The following NKAIN2 variants were observed in gnomAD, a reference collection of about 807,000 sequenced individuals.
The protein encoded by NKAIN2 is sodium/potassium transporting ATPase interacting 2.
A neutral mutation model predicts 32.6 loss-of-function variants in NKAIN2; 14 were observed. The observed-to-expected ratio is 0.43, with a 90% CI of 0.28 to 0.67. The LOEUF is 0.67. Among genes scored for constraint, NKAIN2 ranks in the 30% least tolerant of loss-of-function variants. NKAIN2 has a pLI of 0.17. For synonymous variants in NKAIN2, 80 were observed against 87.2 expected (o/e 0.92, Z 0.46); for missense variants, 198 against 258.3 (o/e 0.77, Z 1.60).
At chr6:124,328,571 G>A (rs544331838) in intron 2 of NKAIN2, among the ~76,000 whole-genome samples, 16 of 152,238 alleles carry the variant, frequency 1.1e-4, no homozygotes, top group African/African-American at 3.6e-4. Context: ...GTGCTCTCAA[G>A]AACAAAATCA....
chr6:124,107,000 G>A (rs1230290819), intron 1 of NKAIN2, among the ~76,000 whole-genome samples: 1 of 152,186 alleles, frequency 6.6e-6, no homozygotes, highest in Non-Finnish European at 1.5e-5. Flanking sequence ...AATGAAGTGG[G>A]TAGAAAGTGC....
chr6:124,594,014 G>A (rs1039039932), intron 3 of NKAIN2, among the ~76,000 whole-genome samples: 10 of 152,150 alleles, frequency 6.6e-5, no homozygotes, highest in African/African-American at 2.4e-4. Context: ...TCTTTTATTT[G>A]CAGAGGCACT....
At chr6:124,523,823 G>A (rs1583384874) in intron 3 of NKAIN2, among the ~76,000 whole-genome samples, 1 of 152,080 alleles carries the variant, frequency 6.6e-6, no homozygotes, top group South Asian at 2.1e-4. Flanking sequence ...GGTCTTCAAA[G>A]AAGACACAAA....
chr6:123,811,948 CAA>C (rs1412716978), intron 1 of NKAIN2, among the ~76,000 whole-genome samples: 1 of 152,062 alleles, frequency 6.6e-6, no homozygotes, highest in East Asian at 1.9e-4. Context: ...ATTTTACAAA[CAA>C]GTCAACATTG....
Position 124,546,218 on chromosome 6 carries a change from G to A in NKAIN2, c.274-111968G>A, listed in dbSNP as rs192795654. On this transcript the variant is annotated intron_variant, in intron 3 of 6. Coordinates refer to ENST00000368417, the MANE Select transcript of NKAIN2 (RefSeq NM_001040214.3). ...ATGTTAATAGAACAGGAGTGGAGGG[G>A]CATACCCTGTGGCTTTATTAGTTTC... Among the ~76,000 whole-genome samples the A allele has an allele frequency of 6.8e-4, 103 of 152,216 alleles. 1 individual carries two copies. Among genetic ancestry groups the A allele is most frequent in the Admixed American group, 4.5e-3 (68 of 15,276 alleles).
intron 3 of NKAIN2, among the ~76,000 whole-genome samples, chr6:124,557,067 A>C (rs1361873604): frequency 6.6e-6 from 1 of 152,214 alleles, no homozygotes; most frequent in Non-Finnish European, 1.5e-5. Context: ...AAATTTTGTC[A>C]CTATTATTTT....
intron 4 of NKAIN2, among the ~76,000 whole-genome samples, chr6:124,739,085 G>T (rs574854500): frequency 2.5e-5 from 3 of 121,408 alleles, no homozygotes; most frequent in Non-Finnish European, 5.3e-5. Flanking sequence ...AAACAAAATA[G>T]TTAAGCCAAC....
intron 5 of NKAIN2, among the ~76,000 whole-genome samples, chr6:124,801,838 T>G (rs1780272603): frequency 6.6e-6 from 1 of 152,194 alleles, no homozygotes; most frequent in South Asian, 2.1e-4. Context: ...ATTAGAGGAC[T>G]ATGTAGAACT....
At chr6:124,551,176 G>A (rs1780273075) in intron 3 of NKAIN2, among the ~76,000 whole-genome samples, 1 of 152,194 alleles carries the variant, frequency 6.6e-6, no homozygotes, top group Non-Finnish European at 1.5e-5. Flanking sequence ...TTTTAGTGAT[G>A]TAATGGTGGG....
intron 1 of NKAIN2, among the ~76,000 whole-genome samples, chr6:124,029,807 T>C (rs1030558664): frequency 2.0e-5 from 3 of 152,132 alleles, no homozygotes; most frequent in African/African-American, 7.2e-5. Context: ...TCCCCATTGC[T>C]TTCATTAATG....
chr6:124,205,378 A>G (rs1336639298), intron 1 of NKAIN2, among the ~76,000 whole-genome samples: 2 of 151,484 alleles, frequency 1.3e-5, no homozygotes, highest in African/African-American at 4.8e-5. Flanking sequence ...AAAATCTCTT[A>G]ATTTGTCATC....
chr6:124,051,696 T>C (rs1194136962), intron 1 of NKAIN2, among the ~76,000 whole-genome samples: 1 of 152,004 alleles, frequency 6.6e-6, no homozygotes, highest in African/African-American at 2.4e-5. Flanking sequence ...CAGTGCCAAG[T>C]TACAAGATGA....
chr6:124,672,026 GA>G (rs1773129800), intron 4 of NKAIN2, among the ~76,000 whole-genome samples: 1 of 151,802 alleles, frequency 6.6e-6, no homozygotes, highest in African/African-American at 2.4e-5. Flanking sequence ...ACAAAAAAGA[GA>G]GAAGAAACTG....
intron 4 of NKAIN2, among the ~76,000 whole-genome samples, chr6:124,742,572 T>C (rs1299509253): frequency 2.0e-5 from 3 of 151,902 alleles, no homozygotes; most frequent in African/African-American, 7.2e-5. Flanking sequence ...GCCTCTATAA[T>C]TGTATGAGCC....
At chr6:124,013,347 T>A (rs1028795995) in intron 1 of NKAIN2, among the ~76,000 whole-genome samples, 1 of 152,208 alleles carries the variant, frequency 6.6e-6, no homozygotes, top group African/African-American at 2.4e-5. Flanking sequence ...AGTGTGTTTT[T>A]GTTGTACTAT....
At chr6:124,619,669 T>C (rs552406461) in intron 3 of NKAIN2, among the ~76,000 whole-genome samples, 1 of 152,290 alleles carries the variant, frequency 6.6e-6, no homozygotes, top group South Asian at 2.1e-4. Context: ...TCATGACAAA[T>C]GATTTGGCTA....
intron 3 of NKAIN2, among the ~76,000 whole-genome samples, chr6:124,460,143 C>A (rs564534665): frequency 6.6e-6 from 1 of 151,810 alleles, no homozygotes; most frequent in East Asian, 1.9e-4. Flanking sequence ...ATGTAGAGTT[C>A]TTTAGCCTTC....
intron 3 of NKAIN2, among the ~76,000 whole-genome samples, chr6:124,470,710 A>T (rs1399755447): frequency 6.6e-6 from 1 of 152,176 alleles, no homozygotes; most frequent in African/African-American, 2.4e-5. Context: ...TCTGCAAGCC[A>T]TATAGCAAAT....
chr6:124,656,702 T>A (rs1486317162), intron 3 of NKAIN2, among the ~76,000 whole-genome samples: 3 of 152,038 alleles, frequency 2.0e-5, no homozygotes, highest in Non-Finnish European at 4.4e-5. Context: ...GATTCAGCCA[T>A]CACCCCCCTA....
Sources: gnomAD v4.1 joint callset for allele counts (sites outside exome capture counted in the v4.1 genomes callset) on GRCh38, gnomAD v4.1.1 for gene constraint, MANE v1.5 for transcripts, NCBI Gene and HGNC (gene_info 2026-07-23, HGNC 2026-07-21) for gene names.